The following FSD2 variants were observed in gnomAD, a reference collection of about 807,000 sequenced individuals.
FSD2 encodes the protein fibronectin type III and SPRY domain containing 2, also known as fibronectin type III and SPRY domain-containing protein 2.
Under a neutral mutation model 80.4 loss-of-function variants are expected in FSD2, and 71 were observed. The observed-to-expected ratio is 0.88, with a 90% CI of 0.73 to 1.08. The LOEUF (loss-of-function observed/expected upper bound fraction) is 1.08. FSD2 is among the 50% of genes least tolerant of loss of function. FSD2 has a pLI of 0.00. For synonymous variants in FSD2, 361 were observed against 329.5 expected (o/e 1.10, Z -1.03); for missense variants, 923 against 913.8 (o/e 1.01, Z -0.13).
chr15:82,794,572 T>C (rs1331294835), intron 1 of FSD2, among the ~76,000 whole-genome samples: 1 of 152,210 alleles, frequency 6.6e-6, no homozygotes, highest in East Asian at 1.9e-4. Context: ...TATCCATTAC[T>C]GAAAGCAGAG....
At chr15:82,764,909 C>T (rs2049377586) in intron 11 of FSD2, among the ~76,000 whole-genome samples, 1 of 152,028 alleles carries the variant, frequency 6.6e-6, no homozygotes, top group Non-Finnish European at 1.5e-5. Context: ...AGCCTAGGAC[C>T]CAGGGACCAT....
At chr15:82,785,932 A>G (rs955505848) in intron 3 of FSD2, among the ~76,000 whole-genome samples, 7 of 152,184 alleles carry the variant, frequency 4.6e-5, no homozygotes, top group African/African-American at 1.7e-4. Context: ...AACAAACCCA[A>G]AAAGACAAGG....
chr15:82,760,173 T>G (rs12917248), intron 12 of FSD2, among the ~76,000 whole-genome samples: 21,170 of 152,236 alleles, frequency 0.14, 1,938 homozygotes, highest in South Asian at 0.33. Context: ...GAACTCTCTT[T>G]CATCTAAACT....
rs2050019885 is a variant in FSD2, at chr15:82,787,107, A to G, written c.284T>C (p.Ile95Thr). 1 of 1,613,862 alleles carries G rather than the reference A, an allele frequency of 6.2e-7. No individual in the cohort carries two copies. Among genetic ancestry groups the G allele is most frequent in the Non-Finnish European group, 8.5e-7 (1 of 1,179,894 alleles). The change falls in exon 2 of 13, where the codon ATA becomes ACA. Residue 95 changes from isoleucine (I) to threonine (T), a missense_variant. Physicochemically the swap from Ile to Thr is moderately conservative, Grantham distance 89. Transcript: ENST00000334574. ...ATATTCTGAAACCCCTGTTCTGGGTATGTTTTCATCAACAAACTCATCCCC... is the reference window on the plus strand; with the variant it reads ...ATATTCTGAAACCCCTGTTCTGGGTGTGTTTTCATCAACAAACTCATCCCC... Reference protein sequence around the residue: ...ELGDEFVDENIPRTGVSEYPP... With the variant: ...ELGDEFVDENTPRTGVSEYPP...
Position 82,778,818 on chromosome 15 carries a change from G to A in FSD2, c.1059C>T (p.Thr353=), listed in dbSNP as rs2049782888. ...GCTGCTCCACATCAGAGAAATCCAA[G>A]GTCTGGTCTTCAAACTCAGGCTGTG... ...ISAQPEFEDQ[T]LDFSDVEQLM... Residue 353 remains threonine (T), a synonymous_variant, in exon 6 of 13, where the codon ACC becomes ACT. Coordinates refer to ENST00000334574, the MANE Select transcript of FSD2 (RefSeq NM_001007122.4). The A allele has an allele frequency of 3.7e-6, 6 of 1,613,850 alleles. No homozygotes were observed. Among genetic ancestry groups the A allele is most frequent in the Non-Finnish European group, 5.1e-6 (6 of 1,179,852 alleles).
chr15:82,759,293 G>T lies in FSD2; in HGVS notation c.*55C>A. ...TGCCAGGTTCAGCCAGCTAAGGCGT[G>T]AGCAGCTGCGAGAGGGGTAGGCATG... On this transcript the variant is annotated 3_prime_UTR_variant, in exon 13 of 13. Coordinates refer to ENST00000334574, the MANE Select transcript of FSD2 (RefSeq NM_001007122.4). The T allele has an allele frequency of 6.3e-7, 1 of 1,582,554 alleles. No homozygotes were observed. Among genetic ancestry groups the T allele is most frequent in the South Asian group, 1.2e-5 (1 of 86,580 alleles).
chr15:82,759,276 T>A lies in FSD2; in HGVS notation c.*72A>T. 1 of 1,526,086 alleles carries A rather than the reference T, an allele frequency of 6.6e-7. No homozygotes were observed. Among genetic ancestry groups the A allele is most frequent in the Non-Finnish European group, 8.8e-7 (1 of 1,131,146 alleles). The allele number at this position is 1,526,086 out of a possible 1,614,324, so 94.5% of individuals were successfully genotyped here. ...GGCACATGGTGCTTAAGTGCCAGGT[T>A]CAGCCAGCTAAGGCGTGAGCAGCTG... On this transcript the variant is annotated 3_prime_UTR_variant, in exon 13 of 13. Transcript: ENST00000334574.
At chr15:82,767,898 G>A (rs868219352) in intron 9 of FSD2, among the ~76,000 whole-genome samples, 11 of 152,198 alleles carry the variant, frequency 7.2e-5, no homozygotes, top group South Asian at 4.1e-4. Context: ...CCAGGTCAGT[G>A]CACCCCTGTG....
At chr15:82,774,831 C>T (rs1012414620) in intron 6 of FSD2, among the ~76,000 whole-genome samples, 2 of 151,694 alleles carry the variant, frequency 1.3e-5, no homozygotes, top group Admixed American at 1.3e-4. Flanking sequence ...AAGCCATTCT[C>T]CTGCCTCAGC....
intron 5 of FSD2, among the ~76,000 whole-genome samples, chr15:82,779,694 G>T (rs1488897984): frequency 6.6e-6 from 1 of 151,162 alleles, no homozygotes; most frequent in Non-Finnish European, 1.5e-5. Context: ...TTTGAAACCA[G>T]TTCCATCTTT....
chr15:82,763,049 T>G (rs2049327341), intron 11 of FSD2, among the ~76,000 whole-genome samples: 1 of 152,206 alleles, frequency 6.6e-6, no homozygotes, highest in Non-Finnish European at 1.5e-5. Context: ...CAAGCAAAGC[T>G]TTGGGAAGGA....
intron 6 of FSD2, among the ~76,000 whole-genome samples, chr15:82,775,181 G>A (rs545273113): frequency 2.6e-5 from 4 of 151,090 alleles, no homozygotes; most frequent in African/African-American, 4.9e-5. Flanking sequence ...GGTGGGTCAC[G>A]AGGTCAGGAG....
intron 9 of FSD2, 106 bp downstream of exon 9, chr15:82,768,774 G>A (rs1211590437): frequency 1.8e-6 from 2 of 1,090,202 alleles, no homozygotes; most frequent in Non-Finnish European, 2.4e-6. Flanking sequence ...AGATTCCTGT[G>A]TATCAAAAAT....
Position 82,757,449 on chromosome 15 carries a change from A to T in FSD2, c.*1899T>A, listed in dbSNP as rs960014575. On this transcript the variant is annotated 3_prime_UTR_variant, in exon 13 of 13. Transcript: ENST00000334574. ...CGGGTTCACGCCATTCTCCTGCCTCAGCCTCCCGAGTAGCTGGGACTACAG... is the reference window on the plus strand; with the variant it reads ...CGGGTTCACGCCATTCTCCTGCCTCTGCCTCCCGAGTAGCTGGGACTACAG... 1 of 145,566 alleles carries T rather than the reference A, an allele frequency of 6.9e-6. No individual in the cohort carries two copies. The highest frequency in any genetic ancestry group is 1.5e-5 in the Non-Finnish European group (1 of 67,428). The allele number at this position is 145,566 out of a possible 1,614,324, so 9.0% of individuals were successfully genotyped here. A position where few individuals can be genotyped will look rare whatever the true frequency, so the allele number is the denominator to read the frequency against.
At chr15:82,802,968 G>A (rs900363565) in intron 1 of FSD2, among the ~76,000 whole-genome samples, 2 of 152,156 alleles carry the variant, frequency 1.3e-5, no homozygotes, top group African/African-American at 2.4e-5. Context: ...TGTTCATGGG[G>A]TTGGTGAGGT....
chr15:82,803,415 C>T lies in FSD2; in HGVS notation c.-79+2551G>A, dbSNP rs181699610. Among the ~76,000 whole-genome samples the T allele has an allele frequency of 4.2e-4, 64 of 152,222 alleles. 2 individuals carry two copies. The highest frequency in any genetic ancestry group is 3.7e-3 in the Admixed American group (57 of 15,292). ...CAACTCTCCTGGGCACCAGGGATCC[C>T]CCACCCCATGCCATAGCTCTATACT... On this transcript the variant is annotated intron_variant, in intron 1 of 12. Coordinates refer to ENST00000334574, the MANE Select transcript of FSD2 (RefSeq NM_001007122.4).
chr15:82,765,874 G>C (rs1222027760), intron 10 of FSD2, 24 bp downstream of exon 10: 4 of 1,587,510 alleles, frequency 2.5e-6, no homozygotes, highest in East Asian at 2.3e-5. Flanking sequence ...GGGTCCCAGA[G>C]ACTTTGTGGG....
chr15:82,759,473 G>A lies in FSD2; in HGVS notation c.2125C>T (p.Gln709Ter). 6.2e-7 allele frequency: 1 copy of A among 1,613,462 alleles called. No individual in the cohort carries two copies. ...TGACAACTAAATGTATATAGATGCTGAGAAAGGTCCACATTGAAAAATGAC... is the reference window on the plus strand; with the variant it reads ...TGACAACTAAATGTATATAGATGCTAAGAAAGGTCCACATTGAAAAATGAC... Reference protein sequence around the residue: ...KLSFFNVDLSQHLYTFSCQLH... With the variant: ...KLSFFNVDLS The change falls in exon 13 of 13, where the codon CAG becomes TAG. Residue 709 changes from glutamine to a stop codon, truncating the protein, a stop_gained. Transcript: ENST00000334574. LOFTEE classifies it high-confidence loss of function.
At chr15:82,776,394 T>G (rs2049714047) in intron 6 of FSD2, among the ~76,000 whole-genome samples, 1 of 152,234 alleles carries the variant, frequency 6.6e-6, no homozygotes, top group Non-Finnish European at 1.5e-5. Flanking sequence ...TGGAGAATGT[T>G]ACATGTGTGC....
Sources: allele counts gnomAD v4.1 joint callset (sites outside exome capture counted in the v4.1 genomes callset), GRCh38; gene constraint gnomAD v4.1.1; transcripts MANE v1.5; gene names NCBI Gene and HGNC (gene_info 2026-07-23, HGNC 2026-07-21).